Variants in SASH1 observed in about 807,000 individuals in gnomAD.
SASH1 encodes SAM and SH3 domain-containing protein 1.
Under a neutral mutation model 125.2 loss-of-function variants are expected in SASH1, and 44 were observed. The observed-to-expected ratio is 0.35, with a 90% CI of 0.28 to 0.45. The LOEUF (loss-of-function observed/expected upper bound fraction) is 0.45. SASH1 is among the 20% of genes least tolerant of loss of function. The pLI, the probability that SASH1 is intolerant of heterozygous loss-of-function variation, is 1.00. For synonymous variants in SASH1, 639 were observed against 649.1 expected (o/e 0.98, Z 0.24); for missense variants, 1,426 against 1,614.5 (o/e 0.88, Z 2.00).
At chr6:148,394,528 A>C (rs1783864329) in intron 2 of SASH1, among the ~76,000 whole-genome samples, 1 of 152,202 alleles carries the variant, frequency 6.6e-6, no homozygotes, top group Admixed American at 6.5e-5. Context: ...TTCTGCCTTC[A>C]GACAAGTAAA....
chr6:148,532,782 A>ATGTT lies in SASH1; in HGVS notation c.1565-13_1565-10dup. On this transcript the variant is annotated splice_polypyrimidine_tract_variant and intron_variant, in intron 13 of 19. Transcript: ENST00000367467. This position sits in a 1 kb window ranked among gnomAD's most constrained non-coding sequence, Gnocchi z 4.7. Reference sequence around the variant, plus strand: ...ATCTGGATCTACCCGTGTTCTTCCTATGTTTCCTGTACAGGCGGTCAAACA... The same window carrying ATGTT: ...ATCTGGATCTACCCGTGTTCTTCCTATGTTTGTTTCCTGTACAGGCGGTCAAACA... 6.2e-7 allele frequency: 1 copy of ATGTT among 1,613,706 alleles called. No individual in the cohort carries two copies. The highest frequency in any genetic ancestry group is 1.1e-5 in the South Asian group (1 of 91,072).
intron 10 of SASH1, among the ~76,000 whole-genome samples, chr6:148,522,552 G>C (rs1428253454): frequency 1.3e-5 from 2 of 152,148 alleles, no homozygotes; most frequent in East Asian, 3.9e-4. Flanking sequence ...GTGGTCACTT[G>C]TCTCGTATTT....
At chr6:148,371,203 GAAGTT>G (rs1782688519) in intron 1 of SASH1, among the ~76,000 whole-genome samples, 1 of 152,126 alleles carries the variant, frequency 6.6e-6, no homozygotes, top group Non-Finnish European at 1.5e-5. Flanking sequence ...AAGAGAAAAT[GAAGTT>G]AAGTTGAAAT....
chr6:148,250,572 TAA>T, the SASH1 span, among the ~76,000 whole-genome samples: 86,735 of 141,394 alleles, frequency 0.61, 26,188 homozygotes, highest in South Asian at 0.69. Context: ...GCCTTAGTCT[TAA>T]AAAAAAAAAA....
At chr6:148,240,898 G>A in the SASH1 span, among the ~76,000 whole-genome samples, 1 of 152,172 alleles carries the variant, frequency 6.6e-6, no homozygotes, top group African/African-American at 2.4e-5. Context: ...CTGGGTTTAG[G>A]AAAAGTTATC....
intron 8 of SASH1, among the ~76,000 whole-genome samples, chr6:148,490,389 T>G (rs1343144333): frequency 1.3e-5 from 2 of 152,090 alleles, no homozygotes; most frequent in Non-Finnish European, 2.9e-5. Flanking sequence ...TTGTATTTTT[T>G]AGTAGAGACA....
intron 8 of SASH1, among the ~76,000 whole-genome samples, chr6:148,498,132 C>T (rs570150743): frequency 7.9e-5 from 12 of 152,014 alleles, no homozygotes; most frequent in African/African-American, 2.9e-4. Context: ...ACCTGTAATC[C>T]CAGCTTTTTG....
At chr6:148,450,417 T>C (rs911798894) in intron 4 of SASH1, among the ~76,000 whole-genome samples, 49 of 152,140 alleles carry the variant, frequency 3.2e-4, no homozygotes, top group Admixed American at 3.0e-3. Context: ...ATTACCCAAA[T>C]GCCCCCTTGG....
the SASH1 span, among the ~76,000 whole-genome samples, chr6:148,231,153 G>A: frequency 6.6e-6 from 1 of 152,190 alleles, no homozygotes; most frequent in Non-Finnish European, 1.5e-5. Flanking sequence ...TAACTTTTCT[G>A]TGTGGTGTGA....
At chr6:148,264,969 G>A in the SASH1 span, among the ~76,000 whole-genome samples, 18 of 152,218 alleles carry the variant, frequency 1.2e-4, no homozygotes, top group African/African-American at 2.2e-4. Context: ...TACAGACCAC[G>A]TGCTCACTAT....
chr6:148,410,147 GTTGCC>G (rs1784563039), intron 2 of SASH1, among the ~76,000 whole-genome samples: 1 of 99,012 alleles, frequency 1.0e-5, no homozygotes, highest in Non-Finnish European at 1.8e-5. Flanking sequence ...GTCTTACTCT[GTTGCC>G]CAGGCTGGAG....
At chr6:148,216,338 G>T in the SASH1 span, among the ~76,000 whole-genome samples, 1 of 152,162 alleles carries the variant, frequency 6.6e-6, no homozygotes, top group African/African-American at 2.4e-5. Flanking sequence ...CGGATTTCTT[G>T]CTTACTTGGC....
chr6:148,358,733 G>GTTT lies in SASH1; in HGVS notation c.156+15528_156+15530dup, dbSNP rs10673654. Among the ~76,000 whole-genome samples, 623 of 120,716 alleles carry GTTT rather than the reference G, an allele frequency of 5.2e-3. 35 individuals are homozygous for GTTT. Among genetic ancestry groups the GTTT allele is most frequent in the East Asian group, 5.8e-3 (24 of 4,150 alleles). The allele number at this position is 120,716 out of a possible 152,430, so 79.2% of individuals were successfully genotyped here. On this transcript the variant is annotated intron_variant, in intron 1 of 19. Transcript: ENST00000367467. ...TCCTGTTTCCTAATGCCATGTTTTT[G>GTTT]TTTTTTTTTTTTTTTTTTTTGAGAC...
At chr6:148,217,083 G>C in the SASH1 span, among the ~76,000 whole-genome samples, 1 of 152,132 alleles carries the variant, frequency 6.6e-6, no homozygotes, top group African/African-American at 2.4e-5. Context: ...AGCACCGCTA[G>C]AGACTTAGGT....
intron 8 of SASH1, among the ~76,000 whole-genome samples, chr6:148,505,109 A>G (rs1036584586): frequency 6.6e-6 from 1 of 152,184 alleles, no homozygotes; most frequent in South Asian, 2.1e-4. Flanking sequence ...TTTATCCTCT[A>G]GAGAGCCCTA....
chr6:148,437,854 A>G (rs940035687), intron 2 of SASH1, among the ~76,000 whole-genome samples: 1 of 152,250 alleles, frequency 6.6e-6, no homozygotes, highest in African/African-American at 2.4e-5. Flanking sequence ...TTAATAAGCA[A>G]CTACTTTGTA....
intron 7 of SASH1, among the ~76,000 whole-genome samples, chr6:148,481,707 A>G (rs1383547483): frequency 1.3e-5 from 2 of 152,172 alleles, no homozygotes; most frequent in African/African-American, 4.8e-5. Flanking sequence ...TCACTATCTT[A>G]TATGTTTAGG....
intron 4 of SASH1, among the ~76,000 whole-genome samples, chr6:148,445,178 G>A (rs1037490028): frequency 2.0e-5 from 3 of 151,974 alleles, no homozygotes; most frequent in East Asian, 1.9e-4. Context: ...CTGTTTTATC[G>A]GCAGGATCTT....
intron 1 of SASH1, among the ~76,000 whole-genome samples, chr6:148,288,912 G>A (rs1285440388): frequency 6.6e-6 from 1 of 152,110 alleles, no homozygotes; most frequent in Non-Finnish European, 1.5e-5. Context: ...TACCCTTTAG[G>A]TTACTAGAGA....
Sources: gnomAD v4.1 joint callset for allele counts (sites outside exome capture counted in the v4.1 genomes callset) on GRCh38, gnomAD v4.1.1 for gene constraint, Gnocchi (gnomAD v3.1) non-coding constraint, MANE v1.5 for transcripts, NCBI Gene and HGNC (gene_info 2026-07-23, HGNC 2026-07-21) for gene names.